Variants in PVT1 observed in about 807,000 individuals in gnomAD.
PVT1 encodes Pvt1 oncogene.
At position 127,861,559 on chromosome 8, in the gene PVT1, TG is replaced by T. The variant is rs1442570505; in HGVS notation, n.373-29029del. Among the ~76,000 whole-genome samples the T allele has an allele frequency of 2.5e-4, 31 of 126,084 alleles. 1 individual carries two copies. The highest frequency in any genetic ancestry group is 4.8e-4 in the Non-Finnish European group (26 of 54,536). 82.7% of individuals were successfully genotyped at this position (126,084 alleles called of 152,430 possible). On this transcript the variant is annotated intron_variant and non_coding_transcript_variant, in intron 2 of 10. Coordinates refer to ENST00000651587, the Ensembl canonical transcript of PVT1. ...CTTTCAGATGGTTTTGTTTTTGACA[TG>T]TTTTTTTTTTTAACTTATATTATGA...
intron 3 of PVT1, among the ~76,000 whole-genome samples, chr8:127,931,105 T>C (rs992976170): frequency 1.3e-5 from 2 of 152,090 alleles, no homozygotes; most frequent in Non-Finnish European, 2.9e-5. Flanking sequence ...GGGGTTTCAC[T>C]ATGTTGCCCA....
rs1473584945 is a variant in PVT1 at position 127,988,934 on chromosome 8, G to GA, written n.783-227dup. Among the ~76,000 whole-genome samples the GA allele has an allele frequency of 2.0e-5, 3 of 152,152 alleles. No individual in the cohort carries two copies. In the South Asian group the frequency reaches 6.2e-4, roughly 31 times the overall value. On this transcript the variant is annotated intron_variant and non_coding_transcript_variant, in intron 3 of 10. Coordinates refer to ENST00000651587, the Ensembl canonical transcript of PVT1. ...TGCCTGTGTGACTTCAGAAATGGGG[G>GA]ATATCAAAGCCTATCTCATAGGATT...
chr8:127,978,915 T>C (rs370540143), intron 3 of PVT1, among the ~76,000 whole-genome samples: 40 of 152,140 alleles, frequency 2.6e-4, no homozygotes, highest in African/African-American at 9.4e-4. Context: ...TGTATTTACG[T>C]GTGTGTCTGT....
intron 4 of PVT1, among the ~76,000 whole-genome samples, chr8:128,033,975 A>G (rs1166086680): frequency 6.6e-6 from 1 of 151,974 alleles, no homozygotes; most frequent in Non-Finnish European, 1.5e-5. Flanking sequence ...CAGAGTCAGA[A>G]GGCTGGGCAA....
intron 2 of PVT1, among the ~76,000 whole-genome samples, chr8:127,828,560 C>T (rs532002204): frequency 8.2e-4 from 124 of 152,072 alleles, no homozygotes; most frequent in Non-Finnish European, 1.3e-3. Context: ...TTTTCACTGA[C>T]GCTTTAGAAA....
At position 128,038,100 on chromosome 8, in the gene PVT1, G is replaced by A. The variant is rs1047331135; in HGVS notation, n.913-32060G>A. Among the ~76,000 whole-genome samples the A allele has an allele frequency of 1.5e-4, 23 of 152,190 alleles. 1 individual carries two copies. Among genetic ancestry groups the A allele is most frequent in the Admixed American group, 8.5e-4 (13 of 15,280 alleles). On this transcript the variant is annotated intron_variant and non_coding_transcript_variant, in intron 4 of 10. Transcript: ENST00000651587. ...AAGCTTGATATTTTAGGTGACAACC[G>A]TGGTCTTATTGGAAAGGAAGGTGAA... is the stretch of plus-strand genomic sequence containing the variant.
intron 5 of PVT1, among the ~76,000 whole-genome samples, chr8:128,088,439 G>A (rs138772703): frequency 6.6e-6 from 1 of 152,160 alleles, no homozygotes; most frequent in Non-Finnish European, 1.5e-5. Context: ...GGAGAAAGAT[G>A]TTGGGGCAGG....
intron 2 of PVT1, among the ~76,000 whole-genome samples, chr8:127,806,076 A>C (rs758173284): frequency 6.6e-6 from 1 of 152,224 alleles, no homozygotes; most frequent in Non-Finnish European, 1.5e-5. Context: ...TAATATCTAG[A>C]ATGTATGCAG....
At chr8:128,089,563 C>A (rs1460455902) in intron 5 of PVT1, among the ~76,000 whole-genome samples, 1 of 152,140 alleles carries the variant, frequency 6.6e-6, no homozygotes, top group Non-Finnish European at 1.5e-5. Context: ...AATGTTCAGT[C>A]TATAACTGGG....
chr8:127,801,872 G>A (rs540394765), intron 2 of PVT1, among the ~76,000 whole-genome samples: 7 of 150,934 alleles, frequency 4.6e-5, no homozygotes, highest in Admixed American at 3.4e-4. Flanking sequence ...GACTTAGTGA[G>A]AAGAGTAAGA....
At chr8:128,071,333 T>A (rs1247122130) in intron 5 of PVT1, among the ~76,000 whole-genome samples, 3 of 152,156 alleles carry the variant, frequency 2.0e-5, no homozygotes, top group African/African-American at 7.2e-5. Context: ...CAACTTCCCC[T>A]TCTTGTCAGC....
At chr8:128,022,115 C>G (rs1394974045) in intron 4 of PVT1, among the ~76,000 whole-genome samples, 1 of 152,208 alleles carries the variant, frequency 6.6e-6, no homozygotes, top group Non-Finnish European at 1.5e-5. Context: ...TGCTGGGTGT[C>G]AGCTCTGGAC....
At chr8:128,007,725 G>T (rs72720848) in intron 4 of PVT1, among the ~76,000 whole-genome samples, 7 of 152,174 alleles carry the variant, frequency 4.6e-5, no homozygotes, top group African/African-American at 1.7e-4. Flanking sequence ...TAAGAATGTG[G>T]GTTGTATGCA....
chr8:127,821,835 C>A (rs1334141083), intron 2 of PVT1, among the ~76,000 whole-genome samples: 1 of 151,782 alleles, frequency 6.6e-6, no homozygotes, highest in East Asian at 1.9e-4. Flanking sequence ...AGAAAATTAA[C>A]AATTACATGT....
chr8:127,853,098 G>A (rs1435518349), intron 2 of PVT1, among the ~76,000 whole-genome samples: 1 of 152,210 alleles, frequency 6.6e-6, no homozygotes, highest in African/African-American at 2.4e-5. Context: ...GAGCCTTGAA[G>A]TACATGGTAG....
chr8:127,877,399 A>G (rs1815417928), intron 2 of PVT1, among the ~76,000 whole-genome samples: 3 of 152,122 alleles, frequency 2.0e-5, no homozygotes. Context: ...TTTCTTTGTG[A>G]CTGGTGACTG....
rs1815563849 is a variant in PVT1, at chr8:127,889,039, T to TC, written n.373-1549dup. ...ACCCCTTTTCCTTTCTCTCTTTCTT[T>TC]CTTCCTTCCTTCCTTCCTTCCTTCC... On this transcript the variant is annotated intron_variant and non_coding_transcript_variant, in intron 2 of 10. Coordinates refer to ENST00000651587, the Ensembl canonical transcript of PVT1. Among the ~76,000 whole-genome samples the TC allele has an allele frequency of 2.9e-4, 24 of 82,582 alleles. No homozygotes were observed. The East Asian group carries it at 4.3e-3, about 15-fold the overall frequency. 54.2% of individuals were successfully genotyped at this position (82,582 alleles called of 152,430 possible).
intron 4 of PVT1, among the ~76,000 whole-genome samples, chr8:128,006,946 T>G (rs78099662): frequency 0.016 from 2,487 of 152,340 alleles, 68 homozygotes; most frequent in African/African-American, 0.056. Context: ...ACACTTTGCC[T>G]GGTCCAGCCC....
intron 5 of PVT1, among the ~76,000 whole-genome samples, chr8:128,072,002 T>C (rs1814003306): frequency 6.6e-6 from 1 of 152,246 alleles, no homozygotes; most frequent in African/African-American, 2.4e-5. Context: ...ACAGAGTTAA[T>C]AAACATAAAG....
Sources: allele counts gnomAD v4.1 joint callset (sites outside exome capture counted in the v4.1 genomes callset), GRCh38; gene constraint gnomAD v4.1.1; transcripts MANE v1.5; gene names NCBI Gene and HGNC (gene_info 2026-07-23, HGNC 2026-07-21).